The following NOC3L variants were observed in gnomAD, a reference collection of about 807,000 sequenced individuals.
The protein encoded by NOC3L is NOC3 like DNA replication regulator.
NOC3L carries 85 observed loss-of-function variants against 102.5 expected under a neutral mutation model. The observed-to-expected ratio is 0.83, with a 90% confidence interval of 0.70 to 0.99. The LOEUF (loss-of-function observed/expected upper bound fraction) is 0.99. Among genes scored for constraint, NOC3L ranks in the 50% least tolerant of loss-of-function variants. NOC3L has a pLI of 0.00. For missense variants in NOC3L, 878 were observed against 914.9 expected (o/e 0.96, Z 0.52); for synonymous variants, 303 against 309.4 (o/e 0.98, Z 0.22).
chr10:94,354,880 T>A (rs1469221640), intron 6 of NOC3L, 83 bp downstream of exon 6: 1 of 1,396,128 alleles, frequency 7.2e-7, no homozygotes, highest in Non-Finnish European at 9.9e-7. Context: ...TAGTGTATGC[T>A]TATAGGTAAC....
the NOC3L span, among the ~76,000 whole-genome samples, chr10:94,323,437 T>C: frequency 1.5e-4 from 23 of 152,348 alleles, no homozygotes; most frequent in Admixed American, 1.1e-3. Context: ...CAGCTCTTTG[T>C]AAAAGAAAGA....
At position 94,344,946 on chromosome 10, in the gene NOC3L, T is replaced by TGAAAGAA; in HGVS notation, c.1390-14_1390-13insTTCTTTC. 3 of 1,591,624 alleles carry TGAAAGAA rather than the reference T, an allele frequency of 1.9e-6. No homozygotes were observed. The highest frequency in any genetic ancestry group is 1.7e-6 in the Non-Finnish European group (2 of 1,171,644). On this transcript the variant is annotated splice_polypyrimidine_tract_variant and intron_variant, in intron 11 of 20. Coordinates refer to ENST00000371361, the MANE Select transcript of NOC3L (RefSeq NM_022451.11). Reference sequence around the variant, plus strand: ...CTGCTTTCTTCCACTGAAAATAGATTGAAAAACAAAAATCTAAGAGCATAT... The same window carrying TGAAAGAA: ...CTGCTTTCTTCCACTGAAAATAGATTGAAAGAAGAAAAACAAAAATCTAAGAGCATAT...
the NOC3L span, chr10:94,315,605 C>T: frequency 4.7e-6 from 2 of 422,906 alleles, no homozygotes; most frequent in South Asian, 3.4e-5. Context: ...CCTGTCTCCA[C>T]TAAAAATACA....
chr10:94,323,464 T>C, the NOC3L span, among the ~76,000 whole-genome samples: 1 of 152,228 alleles, frequency 6.6e-6, no homozygotes, highest in African/African-American at 2.4e-5. Context: ...CCCTTATTTA[T>C]TTCTTTTGTG....
In NOC3L at chr10:94,353,060, G is replaced by C. The variant is rs981556305; in HGVS notation, c.697-3C>G. ...CGTAATTCTTTCAATTTTTTAATCT[G>C]TTAAAGAAATAGCTTATAAAGCTGG... On this transcript the variant is annotated splice_region_variant and splice_polypyrimidine_tract_variant and intron_variant, in intron 6 of 20. Transcript: ENST00000371361. 1 of 1,596,820 alleles carries C rather than the reference G, an allele frequency of 6.3e-7. No homozygotes were observed. The highest frequency in any genetic ancestry group is 8.5e-7 in the Non-Finnish European group (1 of 1,173,286).
At chr10:94,332,257 T>A (rs1008583556), downstream of NOC3L, 1 of 152,190 alleles carries the variant, frequency 6.6e-6, no homozygotes, top group Non-Finnish European at 1.5e-5. Context: ...CTATTGCAGA[T>A]GACATAGGTC....
chr10:94,327,830 A>T, the NOC3L span: 1 of 266,928 alleles, frequency 3.7e-6, no homozygotes, highest in Non-Finnish European at 8.3e-6. Context: ...TAACATTGTG[A>T]GTACAGAGGA....
chr10:94,337,990 G>T, intron 18 of NOC3L, 116 bp from the exon 19 acceptor site: 1 of 618,282 alleles, frequency 1.6e-6, no homozygotes, highest in Non-Finnish European at 2.8e-6. Context: ...CATCACCTAT[G>T]TACAGTATAT....
chr10:94,344,444 G>A lies in NOC3L; in HGVS notation c.1542C>T (p.Leu514=). 1 of 1,613,440 alleles carries A rather than the reference G, an allele frequency of 6.2e-7. No individual in the cohort carries two copies. The highest frequency in any genetic ancestry group is 8.5e-7 in the Non-Finnish European group (1 of 1,179,468). The part of the protein sequence containing the change: ...RILKKAQRSP[L]LPAVLEGLAK... ...CAAGACCTTCTAGAACTGCTGGCAG[G>A]AGAGGTGACCTCTGGGCCTTCTTCA... Residue 514 remains leucine (L), a synonymous_variant, in exon 13 of 21, where the codon CTC becomes CTT. Transcript: ENST00000371361.
chr10:94,345,088 G>C (rs948399884), intron 11 of NOC3L, among the ~76,000 whole-genome samples, 155 bp from the exon 12 acceptor site: 1 of 152,160 alleles, frequency 6.6e-6, no homozygotes, highest in Admixed American at 6.5e-5. Flanking sequence ...TGGACGGGAA[G>C]TATATACAAA....
chr10:94,356,271 C>T (rs2054482722), intron 5 of NOC3L, among the ~76,000 whole-genome samples: 1 of 152,088 alleles, frequency 6.6e-6, no homozygotes, highest in African/African-American at 2.4e-5. Flanking sequence ...GAATTCAGAA[C>T]AGTAATAATT....
chr10:94,332,188 C>T (rs954524740), downstream of NOC3L: 4 of 152,160 alleles, frequency 2.6e-5, no homozygotes, highest in African/African-American at 9.7e-5. Flanking sequence ...TTATACATCT[C>T]TTAGATTCAA....
At chr10:94,345,041 T>C in intron 11 of NOC3L, 108 bp from the exon 12 acceptor site, 1 of 662,040 alleles carries the variant, frequency 1.5e-6, no homozygotes. Context: ...TACCACATGT[T>C]GTCTATGAAT....
At chr10:94,339,057 T>C (rs1017353948) in intron 17 of NOC3L, among the ~76,000 whole-genome samples, 2 of 152,176 alleles carry the variant, frequency 1.3e-5, no homozygotes, top group Non-Finnish European at 2.9e-5. Flanking sequence ...ATATTCACTA[T>C]AGCATCATTT....
downstream of NOC3L, chr10:94,332,019 G>C (rs1397526790): frequency 6.6e-6 from 1 of 151,900 alleles, no homozygotes; most frequent in Non-Finnish European, 1.5e-5. Context: ...CTACAGGTGT[G>C]CGCCATGTCC....
rs770359023 is a variant in NOC3L, at chr10:94,340,433, C to T, written c.1708G>A (p.Gly570Ser). 13 of 1,606,576 alleles carry T rather than the reference C, an allele frequency of 8.1e-6. No homozygotes were observed. The Admixed American group carries it at 1.8e-4, about 23-fold the overall frequency. Residue 570 changes from glycine to serine, a missense_variant and splice_region_variant, in exon 15 of 21, where the codon GGT becomes AGT. Transcript: ENST00000371361. Reference protein sequence around the residue: ...QTAFHILSGQGDVLNIDPLKF... With the variant: ...QTAFHILSGQSDVLNIDPLKF... ...AAACTTGATTAAGAAAATATCATAC[C>T]TTGTCCAGAAAGAATATGAAAAGCA...
At position 94,362,879 on chromosome 10, in the gene NOC3L, G is replaced by C. The variant is rs765341990; in HGVS notation, c.-41C>G. The C allele has an allele frequency of 1.9e-6, 3 of 1,613,794 alleles. No individual in the cohort carries two copies. The highest frequency in any genetic ancestry group is 4.5e-5 in the East Asian group (2 of 44,882). ...GAATGCCGGCCAGACAAGTTCACCA[G>C]AAGCAGGGTTACTACAGAAATCCCG... On this transcript the variant is annotated 5_prime_UTR_variant, in exon 1 of 21. Transcript: ENST00000371361.
intron 2 of NOC3L, among the ~76,000 whole-genome samples, chr10:94,360,711 T>C (rs1394814758): frequency 6.6e-6 from 1 of 152,168 alleles, no homozygotes; most frequent in East Asian, 1.9e-4. Flanking sequence ...AACTGGATTG[T>C]TCGTAACACA....
the NOC3L span, among the ~76,000 whole-genome samples, chr10:94,317,320 A>C: frequency 5.9e-5 from 9 of 152,312 alleles, no homozygotes; most frequent in East Asian, 1.2e-3. Flanking sequence ...AAATAAATAA[A>C]AACATACCTT....
Sources: allele counts gnomAD v4.1 joint callset (sites outside exome capture counted in the v4.1 genomes callset), GRCh38; gene constraint gnomAD v4.1.1; transcripts MANE v1.5; gene names NCBI Gene and HGNC (gene_info 2026-07-23, HGNC 2026-07-21).